Variants in PTPRG observed in about 807,000 individuals in gnomAD.
PTPRG encodes protein tyrosine phosphatase receptor type G, also known as receptor-type tyrosine-protein phosphatase gamma.
PTPRG carries 102 observed loss-of-function variants against 165.3 expected under a neutral mutation model. The ratio of observed to expected loss-of-function variants is 0.62; its 90% CI spans 0.53 to 0.73. PTPRG has a LOEUF of 0.73. PTPRG is among the 30% of genes least tolerant of loss of function. The pLI is 0.00. For missense variants in PTPRG, 1,866 were observed against 1,861.4 expected (o/e 1.00, Z -0.05); for synonymous variants, 675 against 669.5 (o/e 1.01, Z -0.13).
chr3:62,080,704 C>T (rs1701541915), intron 5 of PTPRG, among the ~76,000 whole-genome samples: 1 of 152,166 alleles, frequency 6.6e-6, no homozygotes, highest in African/African-American at 2.4e-5. Context: ...TACCCAAACA[C>T]TTTCTATTTT....
At chr3:61,993,980 A>G (rs540730200) in intron 3 of PTPRG, among the ~76,000 whole-genome samples, 6 of 152,356 alleles carry the variant, frequency 3.9e-5, no homozygotes, top group East Asian at 1.9e-4. Context: ...AGCATAATCA[A>G]TAGAGCAACT....
At chr3:62,160,418 C>G (rs1704706474) in intron 7 of PTPRG, among the ~76,000 whole-genome samples, 1 of 152,190 alleles carries the variant, frequency 6.6e-6, no homozygotes. Context: ...TTGGGATTCC[C>G]CACTTAGTCA....
chr3:61,916,065 G>T (rs1654099520), intron 2 of PTPRG, among the ~76,000 whole-genome samples: 2 of 152,152 alleles, frequency 1.3e-5, no homozygotes, highest in South Asian at 2.1e-4. Context: ...AATTAGATAT[G>T]AATCTTACAG....
At chr3:61,642,510 G>A (rs1461670337) in intron 1 of PTPRG, among the ~76,000 whole-genome samples, 1 of 152,154 alleles carries the variant, frequency 6.6e-6, no homozygotes, top group Non-Finnish European at 1.5e-5. Context: ...ATACCCAGAA[G>A]AGGTCTGCAT....
At chr3:61,949,729 GTTT>G (rs200304116) in intron 2 of PTPRG, among the ~76,000 whole-genome samples, 6,237 of 143,520 alleles carry the variant, frequency 0.043, 192 homozygotes, top group South Asian at 0.11. Context: ...TGGATTCTTT[GTTT>G]TTTTTTTTTT....
intron 2 of PTPRG, among the ~76,000 whole-genome samples, chr3:61,801,760 G>A (rs1052704816): frequency 6.6e-6 from 1 of 152,142 alleles, no homozygotes; most frequent in Non-Finnish European, 1.5e-5. Context: ...GTCCACAGCA[G>A]GGAATGTTTG....
intron 2 of PTPRG, among the ~76,000 whole-genome samples, chr3:61,966,343 C>T (rs917653595): frequency 6.6e-6 from 1 of 152,094 alleles, no homozygotes; most frequent in Non-Finnish European, 1.5e-5. Flanking sequence ...ACTTGAGACA[C>T]CTGAGATGTG....
chr3:62,044,102 C>T (rs574854195), intron 4 of PTPRG, among the ~76,000 whole-genome samples: 70 of 152,330 alleles, frequency 4.6e-4, no homozygotes, highest in African/African-American at 1.6e-3. Flanking sequence ...CTGTATACTG[C>T]CACAATCTCA....
chr3:61,749,888 T>C (rs970757003), intron 2 of PTPRG: 1 of 152,212 alleles, frequency 6.6e-6, no homozygotes, highest in Admixed American at 6.5e-5. Context: ...CTGAAAGTAT[T>C]CTTTTCATAA....
Position 62,228,765 on chromosome 3 carries a change from G to C in PTPRG, c.2289-2460G>C, listed in dbSNP as rs1046422154. ...ACTGGGTCAGTCCTGGTTGCTCAAT[G>C]TCCTCTTATGCTGAGGGAGAGTGAG... is the stretch of plus-strand genomic sequence containing the variant. On this transcript the variant is annotated intron_variant, in intron 13 of 29. Transcript: ENST00000474889. This position sits in a 1 kb window ranked among gnomAD's most constrained non-coding sequence, Gnocchi z 4.1. 1.3e-5 allele frequency among the ~76,000 whole-genome samples: 2 copies of C among 152,144 alleles called. No homozygotes were observed. Among genetic ancestry groups the C allele is most frequent in the Non-Finnish European group, 2.9e-5 (2 of 68,036 alleles).
At chr3:61,885,654 CTTCT>C (rs2107482031) in intron 2 of PTPRG, among the ~76,000 whole-genome samples, 1 of 126,548 alleles carries the variant, frequency 7.9e-6, no homozygotes. Flanking sequence ...CACTCTTTTC[CTTCT>C]CTCCTCTCCT....
chr3:61,923,812 A>G (rs1477478061), intron 2 of PTPRG, among the ~76,000 whole-genome samples: 1 of 149,634 alleles, frequency 6.7e-6, no homozygotes, highest in Non-Finnish European at 1.5e-5. Flanking sequence ...CTGGGACTAT[A>G]AGCATGAGCC....
At chr3:61,591,604 TGAA>T (rs1189931731) in intron 1 of PTPRG, among the ~76,000 whole-genome samples, 1 of 152,018 alleles carries the variant, frequency 6.6e-6, no homozygotes, top group Non-Finnish European at 1.5e-5. Flanking sequence ...GGAAAGGAGA[TGAA>T]GAAGGAGTAG....
intron 2 of PTPRG, among the ~76,000 whole-genome samples, chr3:61,773,863 C>T (rs1410384045): frequency 6.6e-6 from 1 of 151,836 alleles, no homozygotes; most frequent in Non-Finnish European, 1.5e-5. Flanking sequence ...CAACCTCCGT[C>T]CCCCGTGTTC....
intron 2 of PTPRG, among the ~76,000 whole-genome samples, chr3:61,877,836 C>G (rs979895986): frequency 2.6e-5 from 4 of 152,096 alleles, no homozygotes; most frequent in Admixed American, 2.6e-4. Flanking sequence ...ATTGGGTTAG[C>G]GACCTTTCAG....
At chr3:61,713,081 A>G (rs993647333) in intron 1 of PTPRG, among the ~76,000 whole-genome samples, 6 of 150,938 alleles carry the variant, frequency 4.0e-5, no homozygotes, top group African/African-American at 1.2e-4. Context: ...ATTTTTTCCT[A>G]GTTTCTCCTA....
intron 17 of PTPRG, among the ~76,000 whole-genome samples, chr3:62,266,368 G>A (rs1701875340): frequency 6.6e-6 from 1 of 152,044 alleles, no homozygotes; most frequent in Non-Finnish European, 1.5e-5. Flanking sequence ...GGTATATGTG[G>A]ATGTTACCAA....
intron 2 of PTPRG, 73 bp from the exon 3 acceptor site, chr3:61,989,552 G>C: frequency 6.9e-7 from 1 of 1,448,912 alleles, no homozygotes; most frequent in Non-Finnish European, 9.4e-7. Context: ...GCAGTGCTCA[G>C]CTTCCTAAGA....
At chr3:61,838,241 G>T (rs913000101) in intron 2 of PTPRG, among the ~76,000 whole-genome samples, 1 of 152,224 alleles carries the variant, frequency 6.6e-6, no homozygotes, top group African/African-American at 2.4e-5. Context: ...AAATGGGGAA[G>T]GTTGTGCTGT....
Sources: gnomAD v4.1 joint callset for allele counts (sites outside exome capture counted in the v4.1 genomes callset) on GRCh38, gnomAD v4.1.1 for gene constraint, Gnocchi (gnomAD v3.1) non-coding constraint, MANE v1.5 for transcripts, NCBI Gene and HGNC (gene_info 2026-07-23, HGNC 2026-07-21) for gene names.